The following KLHDC4 variants were observed in gnomAD, a reference collection of about 807,000 sequenced individuals.
KLHDC4 encodes the protein kelch domain-containing protein 4.
In KLHDC4, 90 loss-of-function variants were observed where a neutral mutation model predicts 62.4. The ratio of observed to expected loss-of-function variants is 1.44; its 90% CI spans 1.22 to 1.72. The LOEUF (loss-of-function observed/expected upper bound fraction) is 1.72, where lower values mean the gene tolerates loss of function less well. Among genes scored for constraint, KLHDC4 ranks in the 40% most tolerant of loss-of-function variants. The pLI, the probability that KLHDC4 is intolerant of heterozygous loss-of-function variation, is 0.00. For synonymous variants in KLHDC4, 386 were observed against 284.4 expected, an observed-to-expected ratio of 1.36 and a Z score of -3.59; for missense variants, 1,025 against 699.7, an observed-to-expected ratio of 1.47 and a Z score of -5.25.
intron 7 of KLHDC4, among the ~76,000 whole-genome samples, chr16:87,725,938 G>C (rs1226669920): frequency 6.6e-6 from 1 of 152,080 alleles, no homozygotes; most frequent in Non-Finnish European, 1.5e-5. Context: ...AGCGTCCATG[G>C]TGCAGGAAGG....
intron 5 of KLHDC4, among the ~76,000 whole-genome samples, chr16:87,744,219 C>A (rs1433628677): frequency 6.6e-6 from 1 of 152,058 alleles, no homozygotes; most frequent in Non-Finnish European, 1.5e-5. Flanking sequence ...AGTTCAAGAC[C>A]AGCCTGACCA....
Position 87,756,538 on chromosome 16 carries a change from C to T in KLHDC4, c.192-61G>A, listed in dbSNP as rs2044948141. 18 of 1,211,564 alleles carry T rather than the reference C, an allele frequency of 1.5e-5. 1 individual carries two copies. The South Asian group carries it at 2.2e-4, about 15-fold the overall frequency. 75.1% of individuals were successfully genotyped at this position (1,211,564 alleles called of 1,614,324 possible). On this transcript the variant is annotated intron_variant, in intron 2 of 11. Transcript: ENST00000270583. ...CCCCCGATACCCACCTGAGCGCTGT[C>T]CCCTTCCTCACAGAATCCTCTGTCA...
downstream of KLHDC4, among the ~76,000 whole-genome samples, chr16:87,703,672 G>A (rs1422578454): frequency 1.3e-5 from 2 of 152,246 alleles, no homozygotes; most frequent in East Asian, 3.9e-4. Context: ...AGCCAGTGGG[G>A]GCTTGGAAGG....
At chr16:87,735,896 C>G (rs2041226839) in intron 5 of KLHDC4, among the ~76,000 whole-genome samples, 1 of 152,212 alleles carries the variant, frequency 6.6e-6, no homozygotes, top group Non-Finnish European at 1.5e-5. Context: ...GACTGGGCCG[C>G]TGTGGTGACA....
downstream of KLHDC4, among the ~76,000 whole-genome samples, chr16:87,707,234 C>T (rs1379810218): frequency 2.0e-5 from 3 of 152,224 alleles, no homozygotes; most frequent in Non-Finnish European, 4.4e-5. Context: ...GAGGCCGCAG[C>T]GCTGAAGCCA....
At chr16:87,738,224 C>G (rs1357949823) in intron 5 of KLHDC4, among the ~76,000 whole-genome samples, 2 of 152,156 alleles carry the variant, frequency 1.3e-5, no homozygotes, top group Admixed American at 6.5e-5. Context: ...CGTAAAGTAA[C>G]GGAATCATCC....
At chr16:87,760,057 G>C (rs77275765) in intron 2 of KLHDC4, among the ~76,000 whole-genome samples, 1 of 151,996 alleles carries the variant, frequency 6.6e-6, no homozygotes, top group Non-Finnish European at 1.5e-5. Flanking sequence ...TTAAGAAATA[G>C]GAAGTTGGAA....
At chr16:87,746,058 G>T (rs35038394) in intron 5 of KLHDC4, among the ~76,000 whole-genome samples, 7,792 of 152,040 alleles carry the variant, frequency 0.051, 281 homozygotes, top group East Asian at 0.16. Flanking sequence ...GAGGCCAAGA[G>T]TTCAAGACCA....
At chr16:87,698,575 C>T (rs964450838) in exon 1 of KLHDC4, 1 of 152,268 alleles carries the variant, frequency 6.6e-6, no homozygotes, top group Non-Finnish European at 1.5e-5. Context: ...CGCAACACAA[C>T]CTAGAAAACC....
chr16:87,753,362 C>A (rs1438517846), intron 4 of KLHDC4, among the ~76,000 whole-genome samples: 1 of 152,144 alleles, frequency 6.6e-6, no homozygotes, highest in Non-Finnish European at 1.5e-5. Flanking sequence ...TGTCACTGAC[C>A]ACACAGGTCA....
chr16:87,762,334 GCAGA>G (rs890995786), intron 1 of KLHDC4, among the ~76,000 whole-genome samples: 1 of 152,172 alleles, frequency 6.6e-6, no homozygotes, highest in Non-Finnish European at 1.5e-5. Context: ...TGACTTCACT[GCAGA>G]CACTCTCAGC....
At chr16:87,730,778 A>C (rs2040207076) in intron 5 of KLHDC4, 134 bp from the exon 6 acceptor site, 1 of 725,928 alleles carries the variant, frequency 1.4e-6, no homozygotes, top group East Asian at 2.7e-5. Context: ...CAAATTAAAT[A>C]CCATTTAATC....
exon 1 of KLHDC4, chr16:87,699,676 A>AC (rs1348188865): frequency 1.0e-4 from 16 of 152,504 alleles, no homozygotes; most frequent in African/African-American, 3.8e-4. Context: ...TCCAGCCTGG[A>AC]CGACAGAGTG....
In KLHDC4 at chr16:87,726,903, G is replaced by A. The variant is rs780249740; in HGVS notation, c.621C>T (p.Asp207=). ...AGGTGTCCAGATTAAAGGCATACAC[G>A]TCGTTGTAGTAGATGTAATCCCTGG... ...ESTRDYIYYN[D]VYAFNLDTFT... is the part of the protein sequence containing the mutation. Residue 207 remains aspartate, a synonymous_variant, in exon 7 of 12, where the codon GAC becomes GAT. Coordinates refer to ENST00000270583, the MANE Select transcript of KLHDC4 (RefSeq NM_017566.4). 4.3e-6 allele frequency: 7 copies of A among 1,613,794 alleles called. No homozygotes were observed. Among genetic ancestry groups the A allele is most frequent in the Admixed American group, 1.7e-5 (1 of 59,988 alleles).
intron 4 of KLHDC4, among the ~76,000 whole-genome samples, chr16:87,752,760 C>T (rs2044221064): frequency 6.6e-6 from 1 of 152,106 alleles, no homozygotes; most frequent in African/African-American, 2.4e-5. Context: ...AGCCTACGCC[C>T]CAAAGATAAT....
chr16:87,718,427 C>T (rs1819115777), intron 7 of KLHDC4, among the ~76,000 whole-genome samples: 1 of 149,896 alleles, frequency 6.7e-6, no homozygotes, highest in South Asian at 2.2e-4. Flanking sequence ...CGAGCGGAGG[C>T]TGGACTGTAC....
At chr16:87,741,243 A>T (rs982536647) in intron 5 of KLHDC4, among the ~76,000 whole-genome samples, 4 of 152,146 alleles carry the variant, frequency 2.6e-5, no homozygotes, top group Admixed American at 2.6e-4. Flanking sequence ...CCAACCAACC[A>T]ACACATAGCA....
At chr16:87,758,898 A>G (rs897881481) in intron 2 of KLHDC4, among the ~76,000 whole-genome samples, 11 of 137,466 alleles carry the variant, frequency 8.0e-5, no homozygotes, top group African/African-American at 2.6e-4. Context: ...AATTTTGGCC[A>G]GGCGCATTGG....
intron 5 of KLHDC4, among the ~76,000 whole-genome samples, chr16:87,745,440 G>A (rs977879214): frequency 2.6e-5 from 4 of 152,246 alleles, no homozygotes; most frequent in African/African-American, 7.2e-5. Context: ...CGTGAGCTCC[G>A]CCTGATGCTG....
Sources: allele counts gnomAD v4.1 joint callset (sites outside exome capture counted in the v4.1 genomes callset), GRCh38; gene constraint gnomAD v4.1.1; transcripts MANE v1.5; gene names NCBI Gene and HGNC (gene_info 2026-07-23, HGNC 2026-07-21).